The following ZNF423 variants were observed in gnomAD, a reference collection of about 807,000 sequenced individuals.
The protein encoded by ZNF423 is zinc finger protein 423, also known as Ebf-associated zinc finger protein.
Under a neutral mutation model 95.8 loss-of-function variants are expected in ZNF423, and 12 were observed. The ratio of observed to expected loss-of-function variants is 0.13; its 90% CI spans 0.08 to 0.20. The LOEUF is 0.20. Among genes scored for constraint, ZNF423 ranks in the 10% least tolerant of loss-of-function variants. ZNF423 has a pLI of 1.00. For missense variants in ZNF423, 1,316 were observed against 1,737.1 expected, an observed-to-expected ratio of 0.76 and a Z score of 4.31; for synonymous variants, 749 against 711.9, an observed-to-expected ratio of 1.05 and a Z score of -0.83.
chr16:49,737,874 T>A (rs921520109), intron 2 of ZNF423, among the ~76,000 whole-genome samples: 6 of 152,198 alleles, frequency 3.9e-5, no homozygotes, highest in African/African-American at 1.4e-4. Flanking sequence ...TGCCTCTTCC[T>A]TGCTCTCGTG....
chr16:49,498,069 G>C (rs952477601), intron 7 of ZNF423, among the ~76,000 whole-genome samples: 3 of 152,196 alleles, frequency 2.0e-5, no homozygotes, highest in African/African-American at 7.2e-5. Flanking sequence ...TCCAGGCAGA[G>C]TGAACCCCTG....
intron 5 of ZNF423, among the ~76,000 whole-genome samples, chr16:49,600,047 G>A (rs1264176921): frequency 2.6e-5 from 4 of 152,206 alleles, no homozygotes; most frequent in Admixed American, 6.5e-5. Flanking sequence ...GAGGCCGGGC[G>A]TGGTGGCTCA....
intron 3 of ZNF423, among the ~76,000 whole-genome samples, chr16:49,677,768 AAGAGAGAGAG>A (rs371974425): frequency 6.8e-6 from 1 of 147,744 alleles, no homozygotes; most frequent in East Asian, 2.0e-4. Flanking sequence ...AAAAAAAAAA[AAGAGAGAGAG>A]AGAGAGAGAA....
At position 49,492,608 on chromosome 16, in the gene ZNF423, G is replaced by A. The variant is rs546004897; in HGVS notation, c.3850-1304C>T. On this transcript the variant is annotated intron_variant, in intron 7 of 7. Transcript: ENST00000563137. This position sits in a 1 kb window ranked among gnomAD's most constrained non-coding sequence, Gnocchi z 4.2. Reference sequence around the variant, plus strand: ...TGGTAATGTCACCGACCCTTCCTGCGAGCTCCCGGCCGGGAAGAGGCAGCC... The same window carrying A: ...TGGTAATGTCACCGACCCTTCCTGCAAGCTCCCGGCCGGGAAGAGGCAGCC... 1.3e-5 allele frequency among the ~76,000 whole-genome samples: 2 copies of A among 152,290 alleles called. No homozygotes were observed. The highest frequency in any genetic ancestry group is 3.9e-4 in the East Asian group (2 of 5,178).
intron 4 of ZNF423, among the ~76,000 whole-genome samples, chr16:49,632,153 G>A (rs1477499004): frequency 2.0e-5 from 3 of 152,190 alleles, no homozygotes; most frequent in Non-Finnish European, 4.4e-5. Flanking sequence ...TGCTGGTCTC[G>A]AGTTGGGGTG....
chr16:49,535,524 A>G (rs1969030052), intron 5 of ZNF423, among the ~76,000 whole-genome samples: 1 of 152,230 alleles, frequency 6.6e-6, no homozygotes, highest in Admixed American at 6.5e-5. Context: ...TAACTATCTC[A>G]GCTTCTTAAT....
intron 4 of ZNF423, 24 bp from the exon 5 acceptor site, chr16:49,626,278 G>T (rs769832881): frequency 6.8e-6 from 11 of 1,610,700 alleles, no homozygotes; most frequent in East Asian, 4.5e-5. Context: ...AAAAATAAAA[G>T]ATTTAGAGAG....
At chr16:49,493,553 C>A (rs1312165314) in intron 7 of ZNF423, among the ~76,000 whole-genome samples, 2 of 152,126 alleles carry the variant, frequency 1.3e-5, no homozygotes, top group Non-Finnish European at 2.9e-5. Flanking sequence ...CCCCTGCTAT[C>A]TTGGTGTGGG....
chr16:49,804,015 A>ATCC (rs2034623005), intron 1 of ZNF423, among the ~76,000 whole-genome samples: 1 of 141,900 alleles, frequency 7.0e-6, no homozygotes, highest in Non-Finnish European at 1.5e-5. Flanking sequence ...GACTCACTGC[A>ATCC]TCCTCCACCT....
intron 2 of ZNF423, among the ~76,000 whole-genome samples, chr16:49,735,726 C>G (rs1375457969): frequency 6.6e-6 from 1 of 152,150 alleles, no homozygotes; most frequent in Non-Finnish European, 1.5e-5. Context: ...AGAGAGAGCA[C>G]ATAGGGGCTC....
At chr16:49,633,913 CT>C (rs959937931) in intron 4 of ZNF423, among the ~76,000 whole-genome samples, 84 of 147,136 alleles carry the variant, frequency 5.7e-4, no homozygotes, top group Non-Finnish European at 4.8e-4. Context: ...TTCTTTCTTT[CT>C]TTTTTTTTTT....
intron 5 of ZNF423, among the ~76,000 whole-genome samples, chr16:49,605,657 C>T (rs917096865): frequency 2.6e-5 from 4 of 152,226 alleles, no homozygotes; most frequent in African/African-American, 9.6e-5. Flanking sequence ...AGCCCCGGCC[C>T]TGCACCAGCC....
At chr16:49,782,961 T>TA (rs767807245) in intron 2 of ZNF423, among the ~76,000 whole-genome samples, 4,321 of 117,004 alleles carry the variant, frequency 0.037, 203 homozygotes, top group African/African-American at 0.12. Context: ...CTGTCTCAAT[T>TA]AAAAAAAAAA....
chr16:49,527,337 G>A (rs1968653743), intron 5 of ZNF423, among the ~76,000 whole-genome samples: 2 of 152,208 alleles, frequency 1.3e-5, no homozygotes, highest in Admixed American at 1.3e-4. Flanking sequence ...TCATTGACAA[G>A]TTTTGGGACA....
At chr16:49,575,542 G>C (rs1350546435) in intron 5 of ZNF423, among the ~76,000 whole-genome samples, 1 of 152,126 alleles carries the variant, frequency 6.6e-6, no homozygotes. Flanking sequence ...CCCAGTCCTC[G>C]TTCAGCAGCA....
chr16:49,668,978 C>T (rs1320010814), intron 3 of ZNF423, among the ~76,000 whole-genome samples: 1 of 152,128 alleles, frequency 6.6e-6, no homozygotes, highest in Non-Finnish European at 1.5e-5. Context: ...GTCCCCCTTC[C>T]CCAGTGGTAA....
At chr16:49,644,602 G>T (rs12925099) in intron 3 of ZNF423, among the ~76,000 whole-genome samples, 1 of 140,992 alleles carries the variant, frequency 7.1e-6, no homozygotes, top group African/African-American at 2.7e-5. Flanking sequence ...GTTTGAGGCC[G>T]CAGTGAGCTA....
At chr16:49,854,504 C>T (rs2035336086) in intron 1 of ZNF423, 1 of 985,352 alleles carries the variant, frequency 1.0e-6, no homozygotes, top group South Asian at 4.7e-5. Context: ...CAGAACTGGG[C>T]TCAGGCCAGA....
At chr16:49,700,211 A>AG (rs1377671547) in intron 3 of ZNF423, among the ~76,000 whole-genome samples, 4 of 135,934 alleles carry the variant, frequency 2.9e-5, no homozygotes, top group African/African-American at 1.2e-4. Flanking sequence ...AAAAAAAAAA[A>AG]AAAAAACAAG....
Sources: gnomAD v4.1 joint callset for allele counts (sites outside exome capture counted in the v4.1 genomes callset) on GRCh38, gnomAD v4.1.1 for gene constraint, Gnocchi (gnomAD v3.1) non-coding constraint, MANE v1.5 for transcripts, NCBI Gene and HGNC (gene_info 2026-07-23, HGNC 2026-07-21) for gene names.